NAV3: variants seen among roughly 807,000 people sequenced by gnomAD.
NAV3 encodes the protein neuron navigator 3.
NAV3 carries 87 observed loss-of-function variants against 244.7 expected under a neutral mutation model. That is an observed-to-expected ratio of 0.36 (90% CI 0.30 to 0.42). The LOEUF (loss-of-function observed/expected upper bound fraction) is 0.42. Among genes scored for constraint, NAV3 ranks in the 20% least tolerant of loss-of-function variants. The pLI is 1.00. For synonymous variants in NAV3, 1,126 were observed against 1,042.2 expected, an observed-to-expected ratio of 1.08 and a Z score of -1.55; for missense variants, 2,663 against 2,893.3, an observed-to-expected ratio of 0.92 and a Z score of 1.83.
At chr12:77,961,770 TAAA>T (rs1004515519) in intron 3 of NAV3, among the ~76,000 whole-genome samples, 1 of 139,074 alleles carries the variant, frequency 7.2e-6, no homozygotes, top group Non-Finnish European at 1.5e-5. Context: ...GTAGACAAAA[TAAA>T]AACCATCATG....
intron 2 of NAV3, among the ~76,000 whole-genome samples, chr12:77,713,531 G>C (rs1333810499): frequency 1.3e-5 from 2 of 152,170 alleles, no homozygotes; most frequent in Non-Finnish European, 2.9e-5. Flanking sequence ...TTCAGAAGTA[G>C]AAATGGTGTT....
At chr12:77,810,750 G>GT (rs1020780473) in intron 2 of NAV3, among the ~76,000 whole-genome samples, 89 of 152,150 alleles carry the variant, frequency 5.8e-4, no homozygotes, top group African/African-American at 1.6e-3. Flanking sequence ...TTCAATACTA[G>GT]TTTTTTTCAA....
intron 2 of NAV3, among the ~76,000 whole-genome samples, chr12:77,662,887 T>C (rs1392402505): frequency 6.6e-6 from 1 of 152,136 alleles, no homozygotes; most frequent in African/African-American, 2.4e-5. Flanking sequence ...CTTTTCCGTT[T>C]TTTCCCCAGA....
At chr12:78,108,297 C>A (rs1386951265) in intron 12 of NAV3, among the ~76,000 whole-genome samples, 3 of 152,096 alleles carry the variant, frequency 2.0e-5, no homozygotes. Context: ...CTAGAGAACT[C>A]AGATCCACAA....
intron 8 of NAV3, among the ~76,000 whole-genome samples, chr12:78,012,765 C>T (rs1875527645): frequency 6.6e-6 from 1 of 152,062 alleles, no homozygotes; most frequent in Admixed American, 6.6e-5. Flanking sequence ...TTTAATCATC[C>T]TCTTGTATTT....
chr12:78,119,289 A>G lies in NAV3; in HGVS notation c.3093A>G (p.Gly1031=). 1 of 1,614,200 alleles carries G rather than the reference A, an allele frequency of 6.2e-7. No individual in the cohort carries two copies. The highest frequency in any genetic ancestry group is 8.5e-7 in the Non-Finnish European group (1 of 1,180,034). ...ASEKGKAPLK[G]SSLQRSPSDA... is the part of the protein sequence containing the mutation. ...AGAAAGGAAAAGCTCCCCTAAAAGG[A>G]TCATCTCTACAAAGATCTCCTTCAG... The change falls in exon 15 of 40, where the codon GGA becomes GGG. Residue 1031 remains glycine (G), a synonymous_variant. Coordinates refer to ENST00000397909, the MANE Select transcript of NAV3 (RefSeq NM_001024383.2).
chr12:78,186,727 T>C (rs2139820024), intron 31 of NAV3, among the ~76,000 whole-genome samples: 1 of 152,054 alleles, frequency 6.6e-6, no homozygotes, highest in Admixed American at 6.6e-5. Flanking sequence ...CTTATTCTAC[T>C]TGGACTTCCA....
intron 5 of NAV3, among the ~76,000 whole-genome samples, chr12:77,981,956 G>C (rs1418874882): frequency 6.6e-6 from 1 of 152,034 alleles, no homozygotes; most frequent in South Asian, 2.1e-4. Flanking sequence ...CCAAGACTGA[G>C]GGTAAATAGA....
chr12:77,960,789 T>C (rs1256682277), intron 3 of NAV3, among the ~76,000 whole-genome samples: 2 of 147,162 alleles, frequency 1.4e-5, no homozygotes, highest in African/African-American at 4.9e-5. Flanking sequence ...AGTATATAAA[T>C]ATACAATACA....
intron 24 of NAV3, among the ~76,000 whole-genome samples, chr12:78,172,981 T>C (rs377854): frequency 0.049 from 7,445 of 151,734 alleles, 198 homozygotes; most frequent in Non-Finnish European, 0.071. Context: ...CTATACTTGC[T>C]GTAAAGTTTA....
intron 5 of NAV3, among the ~76,000 whole-genome samples, 178 bp downstream of exon 5, chr12:77,968,880 C>T (rs1892747927): frequency 6.6e-6 from 1 of 152,126 alleles, no homozygotes; most frequent in Admixed American, 6.6e-5. Context: ...GGACAAGCAA[C>T]ATCTATCATC....
chr12:78,013,908 T>C (rs1875743055), intron 8 of NAV3, among the ~76,000 whole-genome samples: 1 of 152,094 alleles, frequency 6.6e-6, no homozygotes, highest in African/African-American at 2.4e-5. Context: ...ATTGTTCCTC[T>C]TCTTTCTTGG....
chr12:78,086,871 G>A (rs917746902), intron 12 of NAV3, among the ~76,000 whole-genome samples: 2 of 151,926 alleles, frequency 1.3e-5, no homozygotes, highest in Non-Finnish European at 2.9e-5. Flanking sequence ...TTCTTTCATA[G>A]TAGTAAAAAA....
chr12:78,017,037 G>C (rs182583709), intron 8 of NAV3, among the ~76,000 whole-genome samples: 9 of 152,148 alleles, frequency 5.9e-5, no homozygotes, highest in Admixed American at 4.6e-4. Flanking sequence ...TTTACAGGTA[G>C]CCAGATTCAA....
At chr12:77,795,111 T>G (rs570302055) in intron 2 of NAV3, among the ~76,000 whole-genome samples, 3 of 152,322 alleles carry the variant, frequency 2.0e-5, no homozygotes, top group Non-Finnish European at 4.4e-5. Flanking sequence ...CTAGGCTTAA[T>G]GAGCCAGTTA....
At chr12:78,076,512 A>G (rs946073757) in intron 12 of NAV3, among the ~76,000 whole-genome samples, 1 of 152,138 alleles carries the variant, frequency 6.6e-6, no homozygotes, top group Admixed American at 6.5e-5. Context: ...CATGTGATGT[A>G]TATTTTGCCA....
intron 1 of NAV3, among the ~76,000 whole-genome samples, chr12:77,936,048 T>C (rs1422094864): frequency 6.6e-6 from 1 of 152,094 alleles, no homozygotes; most frequent in Admixed American, 6.6e-5. Flanking sequence ...ATAATATTAT[T>C]GCCATTTTAC....
At chr12:77,917,835 T>TTTAAAATACCTAGAAAGGTTTCTATATTC (rs2137126393) in intron 1 of NAV3, among the ~76,000 whole-genome samples, 1 of 152,184 alleles carries the variant, frequency 6.6e-6, no homozygotes, top group East Asian at 1.9e-4. Flanking sequence ...ATACTTTCTA[T>TTTAAAATACCTAGAAAGGTTTCTATATTC]TTAAAATACC....
intron 2 of NAV3, among the ~76,000 whole-genome samples, chr12:77,645,837 T>G (rs994495719): frequency 6.6e-6 from 1 of 152,056 alleles, no homozygotes; most frequent in African/African-American, 2.4e-5. Context: ...AAGCTCAGTT[T>G]TGAGGAGGAG....
Sources: gnomAD v4.1 joint callset for allele counts (sites outside exome capture counted in the v4.1 genomes callset) on GRCh38, gnomAD v4.1.1 for gene constraint, MANE v1.5 for transcripts, NCBI Gene and HGNC (gene_info 2026-07-23, HGNC 2026-07-21) for gene names.